WDR41: variants seen among roughly 807,000 people sequenced by gnomAD.
WDR41 encodes WD repeat domain 41.
In WDR41, 63 loss-of-function variants were observed where a neutral mutation model predicts 69.3. That is an observed-to-expected ratio of 0.91 (90% CI 0.74 to 1.12). The LOEUF (loss-of-function observed/expected upper bound fraction) is 1.12. WDR41 is among the 50% of genes most tolerant of loss of function. The pLI, the probability that WDR41 is intolerant of heterozygous loss-of-function variation, is 0.00. For synonymous variants in WDR41, 185 were observed against 192.1 expected (o/e 0.96, Z 0.31); for missense variants, 543 against 534.5 (o/e 1.02, Z -0.16).
intron 1 of WDR41, among the ~76,000 whole-genome samples, chr5:77,612,686 C>G (rs1744587435): frequency 6.6e-6 from 1 of 152,140 alleles, no homozygotes; most frequent in Admixed American, 6.5e-5. Flanking sequence ...CAGCCAATAT[C>G]AAACTGAATG....
rs545061951 is a variant in WDR41 at position 77,474,439 on chromosome 5, C to CA, written c.168-9631dup. On this transcript the variant is annotated intron_variant, in intron 2 of 12. Coordinates refer to ENST00000296679, the MANE Select transcript of WDR41 (RefSeq NM_018268.4). ...TACCCTAAAACTTAAAGTATAACAACAAAAAAAATCACAATTTTCATTTAA... is the reference window on the plus strand; with the variant it reads ...TACCCTAAAACTTAAAGTATAACAACAAAAAAAAATCACAATTTTCATTTAA... 1.6e-3 allele frequency among the ~76,000 whole-genome samples: 247 copies of CA among 151,548 alleles called. 1 individual carries two copies. The highest frequency in any genetic ancestry group is 4.5e-3 in the African/African-American group (185 of 41,338).
chr5:77,548,965 G>T (rs1743248559), intron 1 of WDR41, among the ~76,000 whole-genome samples: 1 of 152,170 alleles, frequency 6.6e-6, no homozygotes, highest in South Asian at 2.1e-4. Context: ...AAAAAGGAAT[G>T]AATTAATGGC....
At chr5:77,467,651 A>C (rs1452352044) in intron 2 of WDR41, among the ~76,000 whole-genome samples, 1 of 152,054 alleles carries the variant, frequency 6.6e-6, no homozygotes, top group East Asian at 1.9e-4. Context: ...TTGCCAGTCT[A>C]ATGAATCTCT....
chr5:77,614,699 A>C (rs1447418608), intron 1 of WDR41, among the ~76,000 whole-genome samples: 3 of 149,838 alleles, frequency 2.0e-5, no homozygotes, highest in Non-Finnish European at 4.4e-5. Flanking sequence ...CCTAATGCTT[A>C]ATGACGCGTT....
At chr5:77,582,415 G>A in intron 1 of WDR41, 2 of 1,609,994 alleles carry the variant, frequency 1.2e-6, no homozygotes, top group Non-Finnish European at 1.7e-6. Flanking sequence ...GGTTCCTGCT[G>A]TGCCAGAAAC....
At chr5:77,595,714 C>T (rs1476018763) in intron 1 of WDR41, among the ~76,000 whole-genome samples, 2 of 152,148 alleles carry the variant, frequency 1.3e-5, no homozygotes, top group Admixed American at 1.3e-4. Flanking sequence ...TTTCCACAAA[C>T]AAATTAACCA....
At position 77,463,202 on chromosome 5, in the gene WDR41, T is replaced by G. The variant is rs775571146; in HGVS notation, c.241A>C (p.Asn81His). ...GCTGTTATCTTTTGAGTGTGTCCAT[T>G]CAGTTCTAAAAGTTTTTCCCCTGTC... ...AQTGEKLLEL[N>H]GHTQKITAII... The change falls in exon 4 of 13, where the codon AAT becomes CAT. Residue 81 changes from asparagine (N) to histidine (H), a missense_variant. By Grantham distance (68) the Asn-to-His change is moderately conservative. Transcript: ENST00000296679. The G allele has an allele frequency of 3.1e-6, 5 of 1,610,904 alleles. No individual in the cohort carries two copies. The highest frequency in any genetic ancestry group is 1.7e-5 in the Admixed American group (1 of 59,318).
At chr5:77,474,140 A>G (rs1413740144) in intron 2 of WDR41, among the ~76,000 whole-genome samples, 2 of 152,202 alleles carry the variant, frequency 1.3e-5, no homozygotes, top group Non-Finnish European at 2.9e-5. Context: ...TTGTAGGGAC[A>G]TGGATGAAGC....
intron 1 of WDR41, among the ~76,000 whole-genome samples, chr5:77,605,844 C>T (rs890075277): frequency 6.6e-6 from 1 of 152,040 alleles, no homozygotes; most frequent in Admixed American, 6.6e-5. Context: ...AAAACTTTGA[C>T]TGATAGACTT....
intron 1 of WDR41, among the ~76,000 whole-genome samples, chr5:77,574,051 A>G (rs1460614667): frequency 6.6e-6 from 1 of 152,138 alleles, no homozygotes; most frequent in Non-Finnish European, 1.5e-5. Context: ...TAATCCCAGC[A>G]CTTTGGGAGG....
At chr5:77,563,982 C>T (rs1743569871) in intron 1 of WDR41, among the ~76,000 whole-genome samples, 2 of 152,098 alleles carry the variant, frequency 1.3e-5, no homozygotes, top group Admixed American at 6.6e-5. Flanking sequence ...ATTCCTCTTC[C>T]TCATTATATA....
chr5:77,460,996 C>G (rs1254131031), intron 4 of WDR41, among the ~76,000 whole-genome samples: 2 of 151,964 alleles, frequency 1.3e-5, no homozygotes, highest in Admixed American at 1.3e-4. Flanking sequence ...AATCACTCAG[C>G]AAAGGAAATG....
At chr5:77,505,187 T>TA (rs1314027719) in intron 1 of WDR41, among the ~76,000 whole-genome samples, 1 of 152,128 alleles carries the variant, frequency 6.6e-6, no homozygotes, top group African/African-American at 2.4e-5. Context: ...TGTCTCAGGA[T>TA]AAAAAATCAA....
upstream of WDR41, among the ~76,000 whole-genome samples, chr5:77,495,332 C>G (rs1459445358): frequency 6.6e-6 from 1 of 151,592 alleles, no homozygotes; most frequent in South Asian, 2.1e-4. Context: ...ATCAATGAAA[C>G]CAAAAGTTGG....
At chr5:77,580,308 G>A (rs941311639) in intron 1 of WDR41, among the ~76,000 whole-genome samples, 3 of 152,146 alleles carry the variant, frequency 2.0e-5, no homozygotes, top group African/African-American at 4.8e-5. Context: ...TCTCTTCACA[G>A]GATGGCAGGA....
At chr5:77,500,267 T>C (rs1008244891) in intron 1 of WDR41, among the ~76,000 whole-genome samples, 2 of 152,044 alleles carry the variant, frequency 1.3e-5, no homozygotes, top group Non-Finnish European at 2.9e-5. Flanking sequence ...AAGAACCAAA[T>C]GAAAAATTTT....
chr5:77,553,738 G>C (rs1333032414), intron 1 of WDR41, among the ~76,000 whole-genome samples: 2 of 152,072 alleles, frequency 1.3e-5, no homozygotes, highest in East Asian at 3.8e-4. Context: ...ACTACAATGA[G>C]ATACCACTAC....
chr5:77,567,635 C>T (rs1743657276), intron 1 of WDR41, among the ~76,000 whole-genome samples: 1 of 111,404 alleles, frequency 9.0e-6, no homozygotes, highest in African/African-American at 3.7e-5. Flanking sequence ...CTGAAGTAAA[C>T]ACAATACAAT....
Position 77,575,054 on chromosome 5 carries a change from A to T in WDR41, c.42+45425T>A, listed in dbSNP as rs78858289. 3.4e-3 allele frequency among the ~76,000 whole-genome samples: 523 copies of T among 151,600 alleles called. 1 individual carries two copies. Among genetic ancestry groups the T allele is most frequent in the African/African-American group, 0.012 (481 of 41,348 alleles). ...AACCTAAAATGCATTCAGAAAATTT[A>T]AAAAAAAACAAACATATCTTATTTC... On this transcript the variant is annotated intron_variant, in intron 1 of 5. Transcript: ENST00000509971.
Sources: allele counts gnomAD v4.1 joint callset (sites outside exome capture counted in the v4.1 genomes callset), GRCh38; gene constraint gnomAD v4.1.1; transcripts MANE v1.5; gene names NCBI Gene and HGNC (gene_info 2026-07-23, HGNC 2026-07-21).